IL1RAPL1: variants seen among roughly 807,000 people sequenced by gnomAD.
The protein encoded by IL1RAPL1 is interleukin 1 receptor accessory protein like 1, also known as interleukin-1 receptor accessory protein-like 1.
A neutral mutation model predicts 48.4 loss-of-function variants in IL1RAPL1; 3 were observed. That is an observed-to-expected ratio of 0.06 (90% confidence interval 0.03 to 0.16). The LOEUF (loss-of-function observed/expected upper bound fraction) is 0.16. Among genes scored for constraint, IL1RAPL1 ranks in the 10% least tolerant of loss-of-function variants. The pLI is 1.00. For synonymous variants in IL1RAPL1, 185 were observed against 187.7 expected (o/e 0.99, Z 0.12); for missense variants, 349 against 530.6 (o/e 0.66, Z 3.36).
At chrX:28,932,162 T>G (rs995838198) in intron 2 of IL1RAPL1, among the ~76,000 whole-genome samples, 3 of 111,762 alleles carry the variant, frequency 2.7e-5, no homozygotes, top group South Asian at 7.4e-4. Flanking sequence ...TCCTTAAATT[T>G]TATATTTTAT....
intron 2 of IL1RAPL1, among the ~76,000 whole-genome samples, chrX:29,078,088 G>C (rs910199826): frequency 1.1e-4 from 12 of 111,884 alleles, no homozygotes; most frequent in African/African-American, 3.9e-4. Flanking sequence ...TAGCTAACAT[G>C]GTGAAACTCC....
At chrX:29,858,611 G>A (rs776611074) in intron 6 of IL1RAPL1, among the ~76,000 whole-genome samples, 2 of 110,562 alleles carry the variant, frequency 1.8e-5, no homozygotes, top group Admixed American at 9.7e-5. Context: ...CCTCCTACCC[G>A]CACCATGAAT....
intron 2 of IL1RAPL1, among the ~76,000 whole-genome samples, chrX:29,152,297 G>A (rs1382373738): frequency 9.0e-6 from 1 of 111,657 alleles, no homozygotes; most frequent in Non-Finnish European, 1.9e-5. Context: ...TTAAAGATGA[G>A]ATTTGAGTGG....
chrX:29,080,695 C>G (rs1927782463), intron 2 of IL1RAPL1, among the ~76,000 whole-genome samples: 1 of 109,868 alleles, frequency 9.1e-6, no homozygotes, highest in African/African-American at 3.3e-5. Context: ...TTATATTACA[C>G]TGAAATGATA....
At position 29,409,803 on chromosome X, in the gene IL1RAPL1, A is replaced by G. The variant is rs189214279; in HGVS notation, c.703+10495A>G. 8.6e-3 allele frequency among the ~76,000 whole-genome samples: 909 copies of G among 105,264 alleles called. 10 individuals are homozygous for G. The highest frequency in any genetic ancestry group is 0.029 in the African/African-American group (863 of 29,283). 91.4% of individuals were successfully genotyped at this position (105,264 alleles called of 115,157 possible). A position where few individuals can be genotyped will look rare whatever the true frequency, so the allele number is the denominator to read the frequency against. ...ACCTACTGAGTGTTCACCGTGTGCC[A>G]GGATCTGTTCTAAATTCTTTTTTTT... On this transcript the variant is annotated intron_variant, in intron 5 of 10. Transcript: ENST00000378993.
intron 1 of IL1RAPL1, among the ~76,000 whole-genome samples, chrX:28,672,032 G>A (rs1178793938): frequency 8.9e-6 from 1 of 112,289 alleles, no homozygotes; most frequent in African/African-American, 3.2e-5. Flanking sequence ...TGCCTGCACA[G>A]AATATAATCT....
chrX:29,686,772 T>C (rs1364047283), intron 6 of IL1RAPL1, among the ~76,000 whole-genome samples: 1 of 109,450 alleles, frequency 9.1e-6, no homozygotes, highest in Non-Finnish European at 1.9e-5. Context: ...TTAGCCAGGA[T>C]GGTCTCGATT....
Position 29,452,916 on chromosome X carries a change from A to ATT in IL1RAPL1, c.703+53633_703+53634dup, listed in dbSNP as rs72259685. ...AGTGTTCCTCTGAGAGTGACTACAG[A>ATT]TTTTTTTTTTTTTTTTTTTTTTTTT... is the stretch of plus-strand genomic sequence containing the variant. On this transcript the variant is annotated intron_variant, in intron 5 of 10. Transcript: ENST00000378993. Among the ~76,000 whole-genome samples the ATT allele has an allele frequency of 4.1e-3, 198 of 48,877 alleles. 11 individuals are homozygous for ATT. The highest frequency in any genetic ancestry group is 0.018 in the African/African-American group (181 of 10,176). 42.4% of individuals were successfully genotyped at this position (48,877 alleles called of 115,157 possible).
At chrX:28,920,352 A>G (rs1411558717) in intron 2 of IL1RAPL1, among the ~76,000 whole-genome samples, 12 of 111,990 alleles carry the variant, frequency 1.1e-4, no homozygotes, top group African/African-American at 1.3e-4. Flanking sequence ...GGTTGCCCCA[A>G]TGATGACAGT....
At chrX:28,723,585 C>G (rs1280607784) in intron 1 of IL1RAPL1, among the ~76,000 whole-genome samples, 1 of 111,621 alleles carries the variant, frequency 9.0e-6, no homozygotes, top group African/African-American at 3.3e-5. Context: ...TTTTGTGTCT[C>G]TATCTCCTTC....
intron 6 of IL1RAPL1, among the ~76,000 whole-genome samples, chrX:29,765,819 T>A (rs1018899687): frequency 3.6e-5 from 4 of 111,071 alleles, no homozygotes; most frequent in Non-Finnish European, 7.5e-5. Context: ...CCAAATACCA[T>A]ATGTTCTCAC....
chrX:29,737,133 C>T (rs992514385), intron 6 of IL1RAPL1, among the ~76,000 whole-genome samples: 1 of 111,845 alleles, frequency 8.9e-6, no homozygotes, highest in South Asian at 3.7e-4. Flanking sequence ...TTTCATCTTC[C>T]GCTCTGTTTA....
chrX:29,411,372 A>G (rs1484153538), intron 5 of IL1RAPL1, among the ~76,000 whole-genome samples: 2 of 112,192 alleles, frequency 1.8e-5, no homozygotes, highest in Admixed American at 1.9e-4. Flanking sequence ...AAGAAAGGCA[A>G]TTGGTCAGCA....
At chrX:29,253,561 A>G (rs113558378) in intron 2 of IL1RAPL1, among the ~76,000 whole-genome samples, 15 of 111,329 alleles carry the variant, frequency 1.3e-4, no homozygotes, top group African/African-American at 4.2e-4. Flanking sequence ...TCCTCATTTA[A>G]TTGGCCCCAC....
intron 2 of IL1RAPL1, among the ~76,000 whole-genome samples, chrX:29,123,947 G>T (rs751687688): frequency 3.6e-5 from 4 of 110,225 alleles, no homozygotes; most frequent in Non-Finnish European, 5.7e-5. Flanking sequence ...TAAATTTAGG[G>T]TTTTTTTCAC....
chrX:29,919,897 TTGTGTA>T, intron 7 of IL1RAPL1, 46 bp from the exon 8 acceptor site: 1 of 1,092,420 alleles, frequency 9.2e-7, no homozygotes, highest in Non-Finnish European at 1.3e-6. Context: ...TCTTTCTTGT[TTGTGTA>T]TGTGTCTGTT....
At chrX:29,758,355 A>G (rs761732632) in intron 6 of IL1RAPL1, among the ~76,000 whole-genome samples, 1 of 111,494 alleles carries the variant, frequency 9.0e-6, no homozygotes, top group South Asian at 3.8e-4. Context: ...GGTGAAAGAA[A>G]GGAGAGGGAA....
At chrX:29,496,851 C>T (rs1487085617) in intron 5 of IL1RAPL1, among the ~76,000 whole-genome samples, 2 of 111,775 alleles carry the variant, frequency 1.8e-5, no homozygotes, top group Non-Finnish European at 3.8e-5. Flanking sequence ...CCTCCAGAAG[C>T]TTGCAATTTA....
intron 5 of IL1RAPL1, among the ~76,000 whole-genome samples, chrX:29,563,549 A>G (rs971920733): frequency 1.2e-4 from 14 of 112,697 alleles, no homozygotes; most frequent in Non-Finnish European, 2.6e-4. Context: ...TAGAATATTC[A>G]TGACACAAAC....
Sources: allele counts gnomAD v4.1 joint callset (sites outside exome capture counted in the v4.1 genomes callset), GRCh38; gene constraint gnomAD v4.1.1; transcripts MANE v1.5; gene names NCBI Gene and HGNC (gene_info 2026-07-23, HGNC 2026-07-21).